The following HMGCL variants were observed in gnomAD, a reference collection of about 807,000 sequenced individuals.
HMGCL encodes hydroxymethylglutaryl-CoA lyase, mitochondrial.
Under a neutral mutation model 37.3 loss-of-function variants are expected in HMGCL, and 26 were observed. That is an observed-to-expected ratio of 0.70 (90% confidence interval 0.51 to 0.97). HMGCL has a LOEUF of 0.97. HMGCL is among the 50% of genes least tolerant of loss of function. The pLI is 0.00. For synonymous variants in HMGCL, 151 were observed against 148.0 expected (o/e 1.02, Z -0.15); for missense variants, 379 against 398.1 (o/e 0.95, Z 0.41).
chr1:23,821,983 A>G (rs1471628061), intron 1 of HMGCL, among the ~76,000 whole-genome samples: 1 of 152,114 alleles, frequency 6.6e-6, no homozygotes, highest in Non-Finnish European at 1.5e-5. Context: ...AGCTATAATT[A>G]TTTCCTTCAA....
rs980388631 is a variant in HMGCL at position 23,813,749 on chromosome 1, G to A, written c.497+441C>T. The stretch of plus-strand genomic sequence containing the variant: ...CCACTGATATTAGAGATGTGATGTT[G>A]GAAACATAGAAGCCTAGGTAATTCT... On this transcript the variant is annotated intron_variant, in intron 5 of 8. Coordinates refer to ENST00000374490, the MANE Select transcript of HMGCL (RefSeq NM_000191.3). 1.8e-4 allele frequency: 39 copies of A among 215,198 alleles called. No homozygotes were observed. The East Asian group carries it at 3.9e-3, about 22-fold the overall frequency. The allele number at this position is 215,198 out of a possible 1,614,324, so 13.3% of individuals were successfully genotyped here.
intron 1 of HMGCL, among the ~76,000 whole-genome samples, chr1:23,821,336 G>A (rs1481367710): frequency 4.0e-5 from 6 of 150,264 alleles, no homozygotes; most frequent in Admixed American, 6.7e-5. Context: ...CACCTTGGGC[G>A]ACAGAGGAAG....
chr1:23,804,919 C>G (rs540415853), intron 7 of HMGCL, among the ~76,000 whole-genome samples: 3 of 144,090 alleles, frequency 2.1e-5, no homozygotes, highest in South Asian at 4.8e-4. Flanking sequence ...GCTACTCTCA[C>G]TCAGTCAGGG....
Position 23,817,458 on chromosome 1 carries a change from T to C in HMGCL, c.252+18A>G, listed in dbSNP as rs771039622. 1 of 1,454,306 alleles carries C rather than the reference T, an allele frequency of 6.9e-7. No homozygotes were observed. The highest frequency in any genetic ancestry group is 1.1e-5 in the South Asian group (1 of 87,858). 90.1% of individuals were successfully genotyped at this position (1,454,306 alleles called of 1,614,324 possible). A position where few individuals can be genotyped will look rare whatever the true frequency, so the allele number is the denominator to read the frequency against. Reference sequence around the variant, plus strand: ...TTCATCCCTAGAGAAAGGCCTTTCATTGAGGGCTAGGGCTCACCTGGGGAA... The same window carrying C: ...TTCATCCCTAGAGAAAGGCCTTTCACTGAGGGCTAGGGCTCACCTGGGGAA... On this transcript the variant is annotated intron_variant, in intron 3 of 8. Transcript: ENST00000374490.
intron 2 of HMGCL, among the ~76,000 whole-genome samples, chr1:23,818,414 A>G (rs983152558): frequency 6.6e-6 from 1 of 152,184 alleles, no homozygotes; most frequent in African/African-American, 2.4e-5. Context: ...TGATTGTGCC[A>G]CTGCACTGAG....
chr1:23,815,250 A>G (rs910917576), intron 4 of HMGCL, among the ~76,000 whole-genome samples: 2 of 151,952 alleles, frequency 1.3e-5, no homozygotes, highest in Non-Finnish European at 2.9e-5. Flanking sequence ...ACACAGAGAC[A>G]CAGAAAAGGT....
chr1:23,802,606 C>G, intron 8 of HMGCL, 42 bp from the exon 9 acceptor site: 1 of 1,216,362 alleles, frequency 8.2e-7, no homozygotes, highest in South Asian at 1.2e-5. Context: ...TCATGGTATG[C>G]CCTCAACACC....
At chr1:23,811,816 G>C (rs546390993) in intron 5 of HMGCL, among the ~76,000 whole-genome samples, 20 of 152,132 alleles carry the variant, frequency 1.3e-4, no homozygotes, top group Non-Finnish European at 2.4e-4. Context: ...GCCCTTTTGG[G>C]AGCTGTCTTT....
In HMGCL at chr1:23,804,385, G is replaced by A; in HGVS notation, c.876+15C>T. On this transcript the variant is annotated intron_variant, in intron 8 of 8. Transcript: ENST00000374490. Reference sequence around the variant, plus strand: ...CAGTTCGGGGCTGTCGCCACCAGGGGGTGGGTGGGCTTACCGTGTGAATGC... The same window carrying A: ...CAGTTCGGGGCTGTCGCCACCAGGGAGTGGGTGGGCTTACCGTGTGAATGC... 6.2e-7 allele frequency: 1 copy of A among 1,614,126 alleles called. No homozygotes were observed. The highest frequency in any genetic ancestry group is 2.2e-5 in the East Asian group (1 of 44,880).
intron 5 of HMGCL, among the ~76,000 whole-genome samples, chr1:23,812,657 C>G (rs948205330): frequency 6.6e-6 from 1 of 152,052 alleles, no homozygotes; most frequent in African/African-American, 2.4e-5. Flanking sequence ...GTGCAAAGGC[C>G]CAGAGGCAAG....
intron 2 of HMGCL, among the ~76,000 whole-genome samples, chr1:23,818,608 G>A (rs982252863): frequency 6.6e-6 from 1 of 151,656 alleles, no homozygotes; most frequent in African/African-American, 2.4e-5. Flanking sequence ...GTGGAGTGCA[G>A]TGGCACAATC....
intron 6 of HMGCL, 90 bp downstream of exon 6, chr1:23,810,646 C>A: frequency 9.3e-7 from 1 of 1,079,684 alleles, no homozygotes; most frequent in East Asian, 2.4e-5. Context: ...AGGAACCTGC[C>A]AGAAAGGGTG....
intron 2 of HMGCL, 50 bp from the exon 3 acceptor site, chr1:23,817,633 C>T (rs753669003): frequency 1.3e-5 from 15 of 1,125,372 alleles, no homozygotes; most frequent in Non-Finnish European, 2.0e-5. Context: ...AACAAAACAG[C>T]CTCAAAATGC....
intron 7 of HMGCL, 113 bp from the exon 8 acceptor site, chr1:23,804,638 G>C: frequency 8.4e-7 from 1 of 1,185,688 alleles, no homozygotes; most frequent in South Asian, 1.3e-5. Flanking sequence ...GTCATTCTTT[G>C]CTTTGGCTTA....
chr1:23,802,457 A>AG lies in HMGCL; in HGVS notation c.*5dup. The AG allele has an allele frequency of 6.3e-7, 1 of 1,583,426 alleles. No homozygotes were observed. Among genetic ancestry groups the AG allele is most frequent in the Non-Finnish European group, 8.7e-7 (1 of 1,152,068 alleles). On this transcript the variant is annotated 3_prime_UTR_variant, in exon 9 of 9. Transcript: ENST00000374490. Reference sequence around the variant, plus strand: ...TCATCCCCAGGGCTTCAGGTGGGCAAGGGGCTCAGAGTTTACAGGTAGCCT... The same window carrying AG: ...TCATCCCCAGGGCTTCAGGTGGGCAAGGGGGCTCAGAGTTTACAGGTAGCCT...
chr1:23,802,995 C>A (rs537499245), intron 8 of HMGCL, among the ~76,000 whole-genome samples: 19 of 152,320 alleles, frequency 1.2e-4, no homozygotes, highest in African/African-American at 4.1e-4. Flanking sequence ...CTGAAGTGCA[C>A]TCTGTGCTCA....
chr1:23,807,060 G>A (rs1472935852), intron 7 of HMGCL: 1 of 519,018 alleles, frequency 1.9e-6, no homozygotes, highest in Admixed American at 1.9e-5. Context: ...TTTCAAAAAG[G>A]GGATTCTGAG....
intron 5 of HMGCL, chr1:23,813,857 C>G: frequency 2.6e-6 from 1 of 385,746 alleles, no homozygotes; most frequent in Non-Finnish European, 4.9e-6. Flanking sequence ...CTGCTAGATT[C>G]CTTTAGCATG....
intron 1 of HMGCL, 148 bp from the exon 2 acceptor site, chr1:23,820,741 A>G: frequency 1.4e-6 from 1 of 694,986 alleles, no homozygotes; most frequent in Non-Finnish European, 2.6e-6. Flanking sequence ...GGTCTATTTT[A>G]GAATTAAGAA....
Sources: gnomAD v4.1 joint callset for allele counts (sites outside exome capture counted in the v4.1 genomes callset) on GRCh38, gnomAD v4.1.1 for gene constraint, MANE v1.5 for transcripts, NCBI Gene and HGNC (gene_info 2026-07-23, HGNC 2026-07-21) for gene names.